The following TRAPPC9 variants were observed in gnomAD, a reference collection of about 807,000 sequenced individuals.
The protein encoded by TRAPPC9 is IKK2 binding protein.
Under a neutral mutation model 124.0 loss-of-function variants are expected in TRAPPC9, and 83 were observed. The ratio of observed to expected loss-of-function variants is 0.67; its 90% confidence interval spans 0.56 to 0.80. TRAPPC9 has a LOEUF of 0.80. Ranked by LOEUF, TRAPPC9 falls within the 30% of genes least tolerant of loss-of-function variation. The pLI, the probability that TRAPPC9 is intolerant of heterozygous loss-of-function variation, is 0.00. For synonymous variants in TRAPPC9, 638 were observed against 617.5 expected (o/e 1.03, Z -0.49); for missense variants, 1,302 against 1,508.3 (o/e 0.86, Z 2.27).
At chr8:140,392,484 A>G (rs2068955196) in intron 7 of TRAPPC9, among the ~76,000 whole-genome samples, 1 of 152,158 alleles carries the variant, frequency 6.6e-6, no homozygotes, top group Non-Finnish European at 1.5e-5. Context: ...TCAAATTCAC[A>G]ATTATCTATG....
intron 17 of TRAPPC9, among the ~76,000 whole-genome samples, chr8:140,175,782 G>C: frequency 6.6e-6 from 1 of 152,204 alleles, no homozygotes; most frequent in Non-Finnish European, 1.5e-5. Context: ...ATGACTTCTG[G>C]AATGCAGTGA....
chr8:140,143,683 T>A (rs192539291), intron 17 of TRAPPC9, among the ~76,000 whole-genome samples: 1 of 152,358 alleles, frequency 6.6e-6, no homozygotes, highest in East Asian at 1.9e-4. Flanking sequence ...TTGTCATTCA[T>A]ACCTGTGTAT....
intron 16 of TRAPPC9, among the ~76,000 whole-genome samples, chr8:140,230,837 G>A (rs1171852622): frequency 1.3e-5 from 2 of 152,198 alleles, no homozygotes; most frequent in African/African-American, 4.8e-5. Flanking sequence ...CCACAGGTAA[G>A]GAAGGCATTT....
chr8:140,419,795 AG>A (rs1305883601), intron 5 of TRAPPC9, among the ~76,000 whole-genome samples: 2 of 151,940 alleles, frequency 1.3e-5, no homozygotes, highest in African/African-American at 4.8e-5. Context: ...CTGAGGCAAG[AG>A]AATGGCGTGA....
intron 2 of TRAPPC9, among the ~76,000 whole-genome samples, chr8:140,445,208 C>A (rs183806271): frequency 6.6e-6 from 1 of 152,242 alleles, no homozygotes; most frequent in African/African-American, 2.4e-5. Flanking sequence ...CACTCTCAGA[C>A]AGATTTCTCC....
intron 17 of TRAPPC9, among the ~76,000 whole-genome samples, chr8:140,128,996 T>C (rs2061150997): frequency 1.5e-5 from 2 of 135,392 alleles, no homozygotes; most frequent in South Asian, 4.4e-4. Context: ...TACATATATA[T>C]ATATATATTA....
chr8:140,458,374 C>G (rs1564040836), upstream of TRAPPC9: 4 of 1,597,474 alleles, frequency 2.5e-6, no homozygotes, highest in Admixed American at 7.0e-5. Context: ...CCTGCGGCAC[C>G]CCCTGTGACC....
intron 16 of TRAPPC9, among the ~76,000 whole-genome samples, chr8:140,248,753 A>AG (rs1374460551): frequency 1.3e-5 from 2 of 152,152 alleles, no homozygotes; most frequent in African/African-American, 4.8e-5. Context: ...AGAATATACT[A>AG]TTTTGTGGGT....
chr8:140,040,229 G>A (rs1467187236), intron 17 of TRAPPC9: 1 of 152,372 alleles, frequency 6.6e-6, no homozygotes, highest in Non-Finnish European at 1.5e-5. Flanking sequence ...TCATGGCCTA[G>A]TGGAGGTACT....
chr8:140,219,389 T>C (rs1199776274), intron 17 of TRAPPC9, among the ~76,000 whole-genome samples: 1 of 152,186 alleles, frequency 6.6e-6, no homozygotes, highest in Non-Finnish European at 1.5e-5. Flanking sequence ...GTTTTCCCTT[T>C]GAGATAGTCC....
At chr8:139,885,099 G>C (rs1829918362) in intron 21 of TRAPPC9, among the ~76,000 whole-genome samples, 2 of 152,228 alleles carry the variant, frequency 1.3e-5, no homozygotes, top group South Asian at 4.1e-4. Flanking sequence ...TAAAGAAGAG[G>C]AAGAAAGGGG....
chr8:140,434,233 GC>G (rs1455846418), intron 4 of TRAPPC9, among the ~76,000 whole-genome samples: 1 of 152,100 alleles, frequency 6.6e-6, no homozygotes, highest in Non-Finnish European at 1.5e-5. Flanking sequence ...ATAAATCCCT[GC>G]TTTCATTATT....
At chr8:140,284,160 C>T (rs1300744562) in intron 13 of TRAPPC9, 139 bp from the exon 14 acceptor site, 6 of 1,061,760 alleles carry the variant, frequency 5.7e-6, no homozygotes, top group South Asian at 2.6e-5. Context: ...CCGGCGCTCA[C>T]CCACACTCCC....
intron 17 of TRAPPC9, among the ~76,000 whole-genome samples, chr8:140,118,958 T>C (rs1244273212): frequency 2.0e-5 from 3 of 152,238 alleles, no homozygotes; most frequent in African/African-American, 7.2e-5. Context: ...CCTCTTTGGC[T>C]TAAGACAGTG....
chr8:139,853,253 G>A (rs377059515), intron 21 of TRAPPC9, among the ~76,000 whole-genome samples: 19 of 152,300 alleles, frequency 1.2e-4, no homozygotes, highest in Non-Finnish European at 2.2e-4. Flanking sequence ...CTTGCCCTTC[G>A]GGAGACACGA....
chr8:139,906,666 C>T (rs947012561), intron 20 of TRAPPC9, among the ~76,000 whole-genome samples: 2 of 152,154 alleles, frequency 1.3e-5, no homozygotes, highest in Non-Finnish European at 2.9e-5. Context: ...GACGGGTGGC[C>T]GCCTCTGCAC....
chr8:140,022,609 A>G (rs538858853), intron 18 of TRAPPC9, among the ~76,000 whole-genome samples: 3 of 152,310 alleles, frequency 2.0e-5, no homozygotes, highest in African/African-American at 7.2e-5. Flanking sequence ...CAACGGCAGC[A>G]GGAGATGAGG....
chr8:140,049,100 C>T (rs1420776468), intron 17 of TRAPPC9, among the ~76,000 whole-genome samples: 1 of 152,162 alleles, frequency 6.6e-6, no homozygotes, highest in African/African-American at 2.4e-5. Flanking sequence ...ACGGAACTGG[C>T]CCCATCCCTT....
At chr8:139,736,665 G>A (rs1563773013) in intron 21 of TRAPPC9, among the ~76,000 whole-genome samples, 1 of 152,334 alleles carries the variant, frequency 6.6e-6, no homozygotes. Context: ...GTGGAAACGG[G>A]TCTAATGACC....
Sources: allele counts gnomAD v4.1 joint callset (sites outside exome capture counted in the v4.1 genomes callset), GRCh38; gene constraint gnomAD v4.1.1; transcripts MANE v1.5; gene names NCBI Gene and HGNC (gene_info 2026-07-23, HGNC 2026-07-21).